Variants in DEPDC5 observed in about 807,000 individuals in gnomAD.
DEPDC5 encodes DEP domain containing 5, GATOR1 subcomplex subunit.
Under a neutral mutation model 217.3 loss-of-function variants are expected in DEPDC5, and 73 were observed. The observed-to-expected ratio is 0.34, with a 90% CI of 0.28 to 0.41. DEPDC5 has a LOEUF of 0.41. DEPDC5 is among the 10% of genes least tolerant of loss of function. The probability of loss-of-function intolerance (pLI) is 1.00; values close to 1 mark genes in which losing one functional copy is unlikely to be tolerated. For missense variants in DEPDC5, 1,675 were observed against 2,070.1 expected (o/e 0.81, Z 3.70); for synonymous variants, 733 against 756.7 (o/e 0.97, Z 0.51).
chr22:31,762,210 C>T (rs2082451770), intron 4 of DEPDC5, among the ~76,000 whole-genome samples: 1 of 152,076 alleles, frequency 6.6e-6, no homozygotes, highest in Admixed American at 6.6e-5. Context: ...AAGGTACTAT[C>T]CTGGGAGCTT....
intron 10 of DEPDC5, 106 bp downstream of exon 10, chr22:31,784,981 T>C (rs2084835280): frequency 3.1e-6 from 3 of 959,928 alleles, no homozygotes; most frequent in Non-Finnish European, 4.6e-6. Context: ...CTATTTTAGG[T>C]AAAACCCGGA....
At chr22:31,758,246 G>C (rs1270323200) in intron 2 of DEPDC5, among the ~76,000 whole-genome samples, 1 of 152,126 alleles carries the variant, frequency 6.6e-6, no homozygotes, top group Non-Finnish European at 1.5e-5. Context: ...GGGGTAAAAG[G>C]CTGTCCAGAA....
chr22:31,863,555 T>C (rs1485332757), intron 33 of DEPDC5, among the ~76,000 whole-genome samples: 2 of 152,108 alleles, frequency 1.3e-5, no homozygotes, highest in Non-Finnish European at 2.9e-5. Context: ...CACCAGGTGT[T>C]TTGTTGAAAA....
chr22:31,783,815 T>C, intron 8 of DEPDC5, 92 bp from the exon 9 acceptor site: 1 of 1,056,368 alleles, frequency 9.5e-7, no homozygotes, highest in Non-Finnish European at 1.4e-6. Context: ...ACATTTACAC[T>C]GTTGTGAAGC....
In DEPDC5 at chr22:31,833,987, G is replaced by A. The variant is rs1230985283; in HGVS notation, c.2170+7G>A. 1.2e-6 allele frequency: 2 copies of A among 1,613,460 alleles called. No homozygotes were observed. The highest frequency in any genetic ancestry group is 1.3e-5 in the African/African-American group (1 of 74,894). ...TCTACCTCTCCAGACCCAAGTAAGA[G>A]GGGGCAGCTGACTGGGGAAAGGGGT... On this transcript the variant is annotated splice_region_variant and intron_variant, in intron 25 of 42. Transcript: ENST00000651528.
intron 20 of DEPDC5, among the ~76,000 whole-genome samples, chr22:31,810,994 C>T (rs1180152669): frequency 2.0e-5 from 3 of 151,340 alleles, no homozygotes; most frequent in South Asian, 2.1e-4. Flanking sequence ...AGGCTGGTCT[C>T]GAACTCCCGA....
At chr22:31,891,407 G>C in intron 38 of DEPDC5, 1 of 291,960 alleles carries the variant, frequency 3.4e-6, no homozygotes, top group South Asian at 3.3e-5. Context: ...GTCAACTTTT[G>C]GTTAATCTCT....
intron 10 of DEPDC5, 42 bp downstream of exon 10, chr22:31,784,917 TACTC>T (rs1271360628): frequency 1.9e-6 from 3 of 1,557,710 alleles, no homozygotes; most frequent in Admixed American, 1.8e-5. Flanking sequence ...ATGTAAACAT[TACTC>T]AATCAGATTT....
At chr22:31,793,692 C>A (rs1258319486) in intron 12 of DEPDC5, among the ~76,000 whole-genome samples, 4 of 152,198 alleles carry the variant, frequency 2.6e-5, no homozygotes, top group South Asian at 4.1e-4. Context: ...TTCTCAGCCT[C>A]CCGAGTAGCT....
chr22:31,839,349 G>C (rs183452696), intron 27 of DEPDC5, among the ~76,000 whole-genome samples: 1 of 152,206 alleles, frequency 6.6e-6, no homozygotes, highest in African/African-American at 2.4e-5. Context: ...GTAAGTAACA[G>C]AGAATCGGTG....
At chr22:31,763,575 G>A (rs545897887) in intron 4 of DEPDC5, among the ~76,000 whole-genome samples, 87 of 151,784 alleles carry the variant, frequency 5.7e-4, no homozygotes, top group African/African-American at 2.0e-3. Context: ...CTCCCGAGTA[G>A]CTAAGACCCC....
chr22:31,781,771 C>G (rs776126527), intron 8 of DEPDC5, among the ~76,000 whole-genome samples: 1 of 152,114 alleles, frequency 6.6e-6, no homozygotes, highest in African/African-American at 2.4e-5. Flanking sequence ...TGGTGGCTCA[C>G]GCCTGTAATC....
At chr22:31,872,098 G>A (rs1188559803) in intron 34 of DEPDC5, among the ~76,000 whole-genome samples, 1 of 152,204 alleles carries the variant, frequency 6.6e-6, no homozygotes, top group Non-Finnish European at 1.5e-5. Context: ...GAAGTTCAAA[G>A]AACTTGAGGA....
chr22:31,784,062 C>T, intron 9 of DEPDC5, 77 bp downstream of exon 9: 1 of 1,159,576 alleles, frequency 8.6e-7, no homozygotes, highest in Non-Finnish European at 1.3e-6. Context: ...CATGAATGCC[C>T]AGGGTCCCCC....
chr22:31,755,899 A>T (rs1272195242), intron 2 of DEPDC5, among the ~76,000 whole-genome samples: 2 of 151,576 alleles, frequency 1.3e-5, no homozygotes, highest in Non-Finnish European at 2.9e-5. Context: ...TTTGAGACAG[A>T]GTCTCGCTCT....
intron 7 of DEPDC5, among the ~76,000 whole-genome samples, chr22:31,776,777 A>C (rs907761773): frequency 6.6e-6 from 1 of 151,234 alleles, no homozygotes; most frequent in African/African-American, 2.4e-5. Context: ...GTTTCACCAT[A>C]TTGGCCAGGC....
intron 30 of DEPDC5, 105 bp from the exon 31 acceptor site, chr22:31,846,729 T>C: frequency 6.5e-7 from 1 of 1,531,490 alleles, no homozygotes; most frequent in Non-Finnish European, 8.9e-7. Flanking sequence ...ACCCTGTCCA[T>C]GGGATTCCCG....
chr22:31,792,933 A>C (rs1311080175), intron 12 of DEPDC5, 116 bp downstream of exon 12: 2 of 865,580 alleles, frequency 2.3e-6, no homozygotes, highest in African/African-American at 1.8e-5. Context: ...AAAAATACAA[A>C]AAATTCGCCT....
chr22:31,804,814 A>G (rs1425479793), intron 16 of DEPDC5, 28 bp from the exon 17 acceptor site: 4 of 1,607,134 alleles, frequency 2.5e-6, no homozygotes, highest in East Asian at 2.2e-5. Flanking sequence ...TCTGTAGCTT[A>G]TCTGTGCTCT....
Sources: gnomAD v4.1 joint callset for allele counts (sites outside exome capture counted in the v4.1 genomes callset) on GRCh38, gnomAD v4.1.1 for gene constraint, MANE v1.5 for transcripts, NCBI Gene and HGNC (gene_info 2026-07-23, HGNC 2026-07-21) for gene names.